LRRC37A2: variants seen among roughly 807,000 people sequenced by gnomAD.
The protein encoded by LRRC37A2 is leucine-rich repeat-containing protein 37A2.
In LRRC37A2, 9 loss-of-function variants were observed where a neutral mutation model predicts 68.8. The observed-to-expected ratio is 0.13, with a 90% CI of 0.08 to 0.23. The LOEUF (loss-of-function observed/expected upper bound fraction) is 0.23. Among genes scored for constraint, LRRC37A2 ranks in the 10% least tolerant of loss-of-function variants. LRRC37A2 has a pLI of 1.00. For missense variants in LRRC37A2, 168 were observed against 950.4 expected (o/e 0.18, Z 10.82); for synonymous variants, 63 against 367.6 (o/e 0.17, Z 9.48).
chr17:46,918,172 C>T, the LRRC37A2 span, among the ~76,000 whole-genome samples: 3 of 152,176 alleles, frequency 2.0e-5, no homozygotes, highest in Non-Finnish European at 2.9e-5. Flanking sequence ...CTCCGCCTCC[C>T]GGGTTCAAGC....
the LRRC37A2 span, chr17:46,939,114 G>C: frequency 8.4e-7 from 1 of 1,186,184 alleles, no homozygotes; most frequent in Non-Finnish European, 1.1e-6. Flanking sequence ...GTGCAGGACT[G>C]TCCACACGGT....
the LRRC37A2 span, among the ~76,000 whole-genome samples, chr17:46,879,250 C>T: frequency 6.6e-6 from 1 of 152,110 alleles, no homozygotes; most frequent in African/African-American, 2.4e-5. Context: ...CTGACCTGAC[C>T]GGGTCCCCCA....
chr17:46,638,873 A>T, the LRRC37A2 span, among the ~76,000 whole-genome samples: 2 of 51,042 alleles, frequency 3.9e-5, no homozygotes, highest in Non-Finnish European at 6.3e-5. Flanking sequence ...TAAGGGACAT[A>T]GTTGAGATAA....
At chr17:46,811,798 A>T in the LRRC37A2 span, among the ~76,000 whole-genome samples, 1 of 152,110 alleles carries the variant, frequency 6.6e-6, no homozygotes, top group Non-Finnish European at 1.5e-5. Flanking sequence ...TCTACTAAAA[A>T]ATTCAAATAT....
chr17:46,814,781 A>T, the LRRC37A2 span, among the ~76,000 whole-genome samples: 640 of 152,242 alleles, frequency 4.2e-3, 10 homozygotes, highest in African/African-American at 0.014. Flanking sequence ...TTGACTGAAC[A>T]TGTTCACAAG....
chr17:46,621,244 G>A, the LRRC37A2 span, among the ~76,000 whole-genome samples: 9 of 150,154 alleles, frequency 6.0e-5, no homozygotes, highest in African/African-American at 2.3e-4. Flanking sequence ...GAATGAAGCC[G>A]TTAAAGGCTT....
chr17:47,032,719 G>A, the LRRC37A2 span, among the ~76,000 whole-genome samples: 10 of 151,844 alleles, frequency 6.6e-5, no homozygotes, highest in Non-Finnish European at 1.2e-4. Context: ...CACTAGACAC[G>A]TGCTCTTTCA....
the LRRC37A2 span, among the ~76,000 whole-genome samples, chr17:46,845,244 C>A: frequency 6.6e-6 from 1 of 152,134 alleles, no homozygotes; most frequent in Non-Finnish European, 1.5e-5. Context: ...TTCACTAGTG[C>A]TTTGCCCATA....
chr17:47,006,421 C>T, the LRRC37A2 span, among the ~76,000 whole-genome samples: 2 of 152,172 alleles, frequency 1.3e-5, no homozygotes, highest in South Asian at 2.1e-4. Flanking sequence ...AGACCAGCCT[C>T]GCCAACATGA....
chr17:46,895,632 C>G, the LRRC37A2 span, among the ~76,000 whole-genome samples: 1 of 152,166 alleles, frequency 6.6e-6, no homozygotes, highest in Non-Finnish European at 1.5e-5. Context: ...AAAGGTTGTG[C>G]CTGGGAATTT....
At chr17:46,736,886 A>G in the LRRC37A2 span, among the ~76,000 whole-genome samples, 1 of 152,192 alleles carries the variant, frequency 6.6e-6, no homozygotes, top group Non-Finnish European at 1.5e-5. Context: ...TGGGAAACCC[A>G]CCTGGCACTT....
At chr17:46,978,431 C>T in the LRRC37A2 span, 11 of 545,900 alleles carry the variant, frequency 2.0e-5, no homozygotes, top group Non-Finnish European at 3.1e-5. Context: ...CACATTCTCC[C>T]ACCCCGCAAC....
the LRRC37A2 span, among the ~76,000 whole-genome samples, chr17:46,391,398 AC>A: frequency 5.6e-5 from 2 of 35,582 alleles, no homozygotes; most frequent in African/African-American, 1.3e-4. Flanking sequence ...GATGCCCATG[AC>A]CCAGCACTTA....
Position 46,525,614 on chromosome 17 carries a change from AATCATC to A in LRRC37A2, c.2906+1758_2906+1763del, listed in dbSNP as rs745821194. Reference sequence around the variant, plus strand: ...ATAATAATAATAATATAATAATAATAATCATCATCATCATCATCATCATCATCATCA... The same window carrying A: ...ATAATAATAATAATATAATAATAATAATCATCATCATCATCATCATCATCA... On this transcript the variant is annotated intron_variant, in intron 6 of 14. Transcript: ENST00000576629. Among the ~76,000 whole-genome samples the A allele has an allele frequency of 2.9e-3, 331 of 114,436 alleles. 28 individuals carry two copies. Among genetic ancestry groups the A allele is most frequent in the African/African-American group, 9.0e-3 (296 of 32,822 alleles). The allele number at this position is 114,436 out of a possible 152,430, so 75.1% of individuals were successfully genotyped here. A position where few individuals can be genotyped will look rare whatever the true frequency, so the allele number is the denominator to read the frequency against.
the LRRC37A2 span, chr17:46,768,492 G>A: frequency 2.5e-6 from 4 of 1,614,082 alleles, no homozygotes; most frequent in Non-Finnish European, 3.4e-6. The surrounding 1 kb of genome is among the most constrained non-coding windows in gnomAD (Gnocchi z 5.0). Flanking sequence ...GACATTGCAA[G>A]TCCGGTCCCT....
At chr17:46,721,974 G>C in the LRRC37A2 span, 1 of 1,604,736 alleles carries the variant, frequency 6.2e-7, no homozygotes, top group Admixed American at 1.7e-5. Context: ...TGAGGAACGG[G>C]AACAAAGATT....
At chr17:46,963,508 C>T in the LRRC37A2 span, among the ~76,000 whole-genome samples, 6 of 149,722 alleles carry the variant, frequency 4.0e-5, no homozygotes, top group Non-Finnish European at 8.8e-5. Flanking sequence ...TCACACCACG[C>T]ACTCCAGCCT....
At chr17:46,572,997 G>A in the LRRC37A2 span, among the ~76,000 whole-genome samples, 128 of 25,768 alleles carry the variant, frequency 5.0e-3, 1 homozygote, top group African/African-American at 9.4e-3. Context: ...GAGGGAGGGA[G>A]GAAGGGAGGA....
At chr17:47,042,251 C>G in the LRRC37A2 span, 1 of 149,830 alleles carries the variant, frequency 6.7e-6, no homozygotes, top group Non-Finnish European at 1.5e-5. Context: ...AGTACAGTGG[C>G]TTGATCTTGG....
Sources: allele counts gnomAD v4.1 joint callset (sites outside exome capture counted in the v4.1 genomes callset), GRCh38; gene constraint gnomAD v4.1.1; non-coding constraint Gnocchi (gnomAD v3.1); transcripts MANE v1.5; gene names NCBI Gene and HGNC (gene_info 2026-07-23, HGNC 2026-07-21).